Variants in FBRSL1 observed in about 807,000 individuals in gnomAD.
FBRSL1 encodes fibrosin like 1, also known as fibrosin-1-like protein.
FBRSL1 carries 51 observed loss-of-function variants against 89.6 expected under a neutral mutation model. The observed-to-expected ratio is 0.57, with a 90% CI of 0.45 to 0.72. FBRSL1 has a LOEUF of 0.72. Ranked by LOEUF, FBRSL1 falls within the 30% of genes least tolerant of loss-of-function variation. The probability of loss-of-function intolerance (pLI) is 0.00; values close to 1 mark genes in which losing one functional copy is unlikely to be tolerated. For missense variants in FBRSL1, 1,618 were observed against 1,451.8 expected, an observed-to-expected ratio of 1.11 and a Z score of -1.86; for synonymous variants, 779 against 681.1, an observed-to-expected ratio of 1.14 and a Z score of -2.24.
At position 132,507,266 on chromosome 12, in the gene FBRSL1, A is replaced by G. The variant is rs529263314; in HGVS notation, c.292-887A>G. ...TTTCCTCACAGCTGTGCCCTCCCCG[A>G]GAGGATTCTGTCCTTTCGTGGACGC... On this transcript the variant is annotated intron_variant, in intron 1 of 18. Transcript: ENST00000680143. The G allele has an allele frequency of 1.1e-5, 11 of 985,428 alleles. No homozygotes were observed. The Admixed American group carries it at 6.8e-4, about 61-fold the overall frequency. The allele number at this position is 985,428 out of a possible 1,614,324, so 61.0% of individuals were successfully genotyped here.
intron 18 of FBRSL1, among the ~76,000 whole-genome samples, chr12:132,582,621 C>T (rs951432565): frequency 1.3e-5 from 2 of 152,020 alleles, no homozygotes; most frequent in Non-Finnish European, 2.9e-5. Context: ...ACCTGCCATC[C>T]GGGAGACCTC....
chr12:132,518,248 A>G (rs573518423), intron 2 of FBRSL1, among the ~76,000 whole-genome samples: 13 of 147,614 alleles, frequency 8.8e-5, no homozygotes, highest in African/African-American at 3.0e-4. Context: ...TCCATCATCC[A>G]CCTGTCTGTC....
Position 132,572,171 on chromosome 12 carries a change from G to A in FBRSL1, c.1378-117G>A, listed in dbSNP as rs2040068656. On this transcript the variant is annotated intron_variant, in intron 9 of 18. Transcript: ENST00000680143. ...CTGGGACGGCTGGCCGAAGCCGCCAGCCTCAGGAAGCACAACGCCGTCCTG... is the reference window on the plus strand; with the variant it reads ...CTGGGACGGCTGGCCGAAGCCGCCAACCTCAGGAAGCACAACGCCGTCCTG... 6.6e-6 allele frequency: 6 copies of A among 909,558 alleles called. No individual in the cohort carries two copies. In the East Asian group the frequency reaches 1.3e-4, roughly 20 times the overall value. 56.3% of individuals were successfully genotyped at this position (909,558 alleles called of 1,614,324 possible).
intron 2 of FBRSL1, chr12:132,510,899 C>T: frequency 2.0e-6 from 2 of 1,005,416 alleles, no homozygotes; most frequent in Non-Finnish European, 2.4e-6. Flanking sequence ...TGCACGCTTG[C>T]CCCTGGCGTG....
chr12:132,525,689 G>A (rs1019821022), intron 2 of FBRSL1, 45 bp from the exon 3 acceptor site: 46 of 1,487,438 alleles, frequency 3.1e-5, no homozygotes, highest in Non-Finnish European at 3.6e-5. Flanking sequence ...ATGCGGACGC[G>A]GTGAGGTGGG....
At chr12:132,536,218 A>G (rs1178225961) in intron 4 of FBRSL1, among the ~76,000 whole-genome samples, 1 of 147,654 alleles carries the variant, frequency 6.8e-6, no homozygotes, top group East Asian at 2.1e-4. Flanking sequence ...GTGTGAGTGC[A>G]CGTGTAAAAT....
At chr12:132,522,227 A>G (rs954147289) in intron 2 of FBRSL1, among the ~76,000 whole-genome samples, 1 of 152,146 alleles carries the variant, frequency 6.6e-6, no homozygotes, top group African/African-American at 2.4e-5. Context: ...GCTCAAGGGC[A>G]CTAGAACCGG....
At chr12:132,536,961 G>A (rs536890805) in intron 4 of FBRSL1, among the ~76,000 whole-genome samples, 31 of 152,324 alleles carry the variant, frequency 2.0e-4, no homozygotes, top group African/African-American at 6.5e-4. Context: ...GTGTGGTAAC[G>A]ATCACAGTGA....
rs531945525 is a variant in FBRSL1 at position 132,524,997 on chromosome 12, C to T, written c.490-737C>T. ...AGCAAATGTGTGAGTGTGTGCAAAG[C>T]GCCCGGGCCAGGCCCTGGCACGCAT... On this transcript the variant is annotated intron_variant, in intron 2 of 18. Coordinates refer to ENST00000680143, the MANE Select transcript of FBRSL1 (RefSeq NM_001367871.1). Among the ~76,000 whole-genome samples, 8 of 152,080 alleles carry T rather than the reference C, an allele frequency of 5.3e-5. No homozygotes were observed. In the South Asian group the frequency reaches 1.2e-3, roughly 24 times the overall value.
rs2034866743 is a variant in FBRSL1, at chr12:132,516,598, C to A, written c.489+8248C>A. Among the ~76,000 whole-genome samples, 8 of 152,348 alleles carry A rather than the reference C, an allele frequency of 5.3e-5. No individual in the cohort carries two copies. The South Asian group carries it at 1.5e-3, about 28-fold the overall frequency. On this transcript the variant is annotated intron_variant, in intron 2 of 18. Transcript: ENST00000680143. Reference sequence around the variant, plus strand: ...GCACCCTGTCGCCAGCCTAGCCTAACACTTGAAGTCTTTTCTGATCGTACC... The same window carrying A: ...GCACCCTGTCGCCAGCCTAGCCTAAAACTTGAAGTCTTTTCTGATCGTACC...
chr12:132,539,019 C>G (rs989886896), intron 4 of FBRSL1, among the ~76,000 whole-genome samples: 1 of 151,964 alleles, frequency 6.6e-6, no homozygotes, highest in Non-Finnish European at 1.5e-5. Context: ...CAGTCACCCC[C>G]GGTCTGTGCC....
chr12:132,550,254 A>AGGGGAGCGGAGAGGGGCTGCCG (rs1555278942), intron 5 of FBRSL1, among the ~76,000 whole-genome samples: 28 of 89,844 alleles, frequency 3.1e-4, no homozygotes, highest in African/African-American at 2.6e-3. Flanking sequence ...AGGGGCTGCC[A>AGGGGAGCGGAGAGGGGCTGCCG]GCCTTTCTCC....
chr12:132,522,937 A>C (rs1470171284), intron 2 of FBRSL1, among the ~76,000 whole-genome samples: 1 of 152,164 alleles, frequency 6.6e-6, no homozygotes, highest in African/African-American at 2.4e-5. Context: ...TAGGGGGGGC[A>C]GGGGCTTGGG....
chr12:132,548,554 C>T (rs1053225700), intron 5 of FBRSL1, among the ~76,000 whole-genome samples: 3 of 152,234 alleles, frequency 2.0e-5, no homozygotes, highest in Admixed American at 6.5e-5. Context: ...GTGAACCCCC[C>T]GGGCAGCCCC....
At chr12:132,494,789 G>A (rs778017995) in intron 1 of FBRSL1, among the ~76,000 whole-genome samples, 8 of 152,206 alleles carry the variant, frequency 5.3e-5, no homozygotes, top group African/African-American at 7.2e-5. Context: ...GAAGGTCCAC[G>A]TGTGTCCCAG....
At chr12:132,549,683 C>G (rs1020785986) in intron 5 of FBRSL1, among the ~76,000 whole-genome samples, 3 of 152,206 alleles carry the variant, frequency 2.0e-5, no homozygotes, top group African/African-American at 4.8e-5. Flanking sequence ...CCTGTGGCCC[C>G]GGAGGCCAGG....
intron 2 of FBRSL1, chr12:132,510,728 C>T: frequency 8.3e-7 from 1 of 1,209,878 alleles, no homozygotes; most frequent in Non-Finnish European, 1.0e-6. Flanking sequence ...CTCCCTCTCC[C>T]CCCACTGGCG....
chr12:132,519,832 C>T (rs180782321), intron 2 of FBRSL1, among the ~76,000 whole-genome samples: 2 of 145,900 alleles, frequency 1.4e-5, no homozygotes, highest in African/African-American at 2.6e-5. Context: ...CGCTTGAACC[C>T]GGGAGGCAGA....
intron 1 of FBRSL1, among the ~76,000 whole-genome samples, chr12:132,502,867 C>T (rs2033189100): frequency 7.0e-6 from 1 of 143,130 alleles, no homozygotes; most frequent in Admixed American, 7.0e-5. Context: ...CTGTTCTCAC[C>T]CTCTCCTGTC....
Sources: allele counts gnomAD v4.1 joint callset (sites outside exome capture counted in the v4.1 genomes callset), GRCh38; gene constraint gnomAD v4.1.1; transcripts MANE v1.5; gene names NCBI Gene and HGNC (gene_info 2026-07-23, HGNC 2026-07-21).